The following NHLRC2 variants were observed in gnomAD, a reference collection of about 807,000 sequenced individuals.
The protein encoded by NHLRC2 is NHL repeat containing 2.
In NHLRC2, 33 loss-of-function variants were observed where a neutral mutation model predicts 68.1. The ratio of observed to expected loss-of-function variants is 0.48; its 90% CI spans 0.37 to 0.65. The LOEUF (loss-of-function observed/expected upper bound fraction) is 0.65, where lower values mean the gene tolerates loss of function less well. Among genes scored for constraint, NHLRC2 ranks in the 30% least tolerant of loss-of-function variants. The probability of loss-of-function intolerance (pLI) is 0.00; values close to 1 mark genes in which losing one functional copy is unlikely to be tolerated. For synonymous variants in NHLRC2, 311 were observed against 309.6 expected, an observed-to-expected ratio of 1.00 and a Z score of -0.05; for missense variants, 761 against 853.8, an observed-to-expected ratio of 0.89 and a Z score of 1.35.
At chr10:113,872,222 G>GA (rs1284535014) in intron 2 of NHLRC2, among the ~76,000 whole-genome samples, 1 of 151,790 alleles carries the variant, frequency 6.6e-6, no homozygotes, top group African/African-American at 2.4e-5. Context: ...CCACTGAAGG[G>GA]AAAAAAGCGT....
At chr10:113,887,992 G>A (rs928594174) in intron 5 of NHLRC2, among the ~76,000 whole-genome samples, 2 of 152,180 alleles carry the variant, frequency 1.3e-5, no homozygotes, top group Non-Finnish European at 2.9e-5. Context: ...CACTTTGGGA[G>A]GCTAAGGTGA....
In NHLRC2 at chr10:113,912,779, A is replaced by G. The variant is rs1305993839; in HGVS notation, c.*4243A>G. The G allele has an allele frequency of 1.3e-5, 2 of 152,124 alleles. No homozygotes were observed. The highest frequency in any genetic ancestry group is 2.9e-5 in the Non-Finnish European group (2 of 68,030). The allele number at this position is 152,124 out of a possible 1,614,324, so 9.4% of individuals were successfully genotyped here. On this transcript the variant is annotated 3_prime_UTR_variant, in exon 11 of 11. Coordinates refer to ENST00000369301, the MANE Select transcript of NHLRC2 (RefSeq NM_198514.4). Reference sequence around the variant, plus strand: ...TGGTGACGTATCTGAAGAATAGAAAACCGGAATAGTGCTCGATGCCTGAAG... The same window carrying G: ...TGGTGACGTATCTGAAGAATAGAAAGCCGGAATAGTGCTCGATGCCTGAAG...
At chr10:113,900,039 A>AG (rs11375788) in intron 6 of NHLRC2, among the ~76,000 whole-genome samples, 116,094 of 152,062 alleles carry the variant, frequency 0.76, 44,465 homozygotes, top group Admixed American at 0.84. Context: ...TGATAAGAGT[A>AG]TAGGAGTTAG....
chr10:113,898,562 A>C (rs531630004), intron 6 of NHLRC2, among the ~76,000 whole-genome samples: 1 of 152,342 alleles, frequency 6.6e-6, no homozygotes, highest in African/African-American at 2.4e-5. Context: ...TTTATCAGCC[A>C]GAGTAAGTCT....
chr10:113,888,159 T>C (rs1446949065), intron 5 of NHLRC2, among the ~76,000 whole-genome samples: 1 of 152,042 alleles, frequency 6.6e-6, no homozygotes, highest in Non-Finnish European at 1.5e-5. Flanking sequence ...AGGCTAGGAA[T>C]AAGGGAAGGT....
rs1317952204 is a variant in NHLRC2 at position 113,915,046 on chromosome 10, T to G, written c.*6510T>G. On this transcript the variant is annotated 3_prime_UTR_variant, in exon 11 of 11. Transcript: ENST00000369301. ...GCTTTTCTGATTGCATCCCACCTGT[T>G]TCTGAGTGTGTTGGTTTGGTTTAAT... 2.2e-6 allele frequency: 1 copy of G among 456,234 alleles called. No homozygotes were observed. The highest frequency in any genetic ancestry group is 2.3e-5 in the Admixed American group (1 of 42,582). 28.3% of individuals were successfully genotyped at this position (456,234 alleles called of 1,614,324 possible).
rs1396502667 is a variant in NHLRC2 at position 113,876,512 on chromosome 10, TCC to T, written c.332-8_332-7del. ...TAATAATGTTTAACATATAATTTTT[TCC>T]TTTCAGATGGTCTTCTTATTATTGG... On this transcript the variant is annotated splice_region_variant and splice_polypyrimidine_tract_variant and intron_variant, in intron 2 of 10. Transcript: ENST00000369301. 4 of 1,499,480 alleles carry T rather than the reference TCC, an allele frequency of 2.7e-6. No homozygotes were observed. The highest frequency in any genetic ancestry group is 1.8e-4 in the Middle Eastern group (1 of 5,672). 92.9% of individuals were successfully genotyped at this position (1,499,480 alleles called of 1,614,324 possible). A position where few individuals can be genotyped will look rare whatever the true frequency, so the allele number is the denominator to read the frequency against.
chr10:113,916,462 C>A lies in NHLRC2; in HGVS notation c.*7926C>A, dbSNP rs1846387322. On this transcript the variant is annotated 3_prime_UTR_variant, in exon 11 of 11. Coordinates refer to ENST00000369301, the MANE Select transcript of NHLRC2 (RefSeq NM_198514.4). ...TAGCTCAGTTTTTAAAGGAGGGGAA[C>A]AATACCCCATGAGTTCAAATTAATT... 6.6e-6 allele frequency: 1 copy of A among 152,136 alleles called. No individual in the cohort carries two copies. 9.4% of individuals were successfully genotyped at this position (152,136 alleles called of 1,614,324 possible). A position where few individuals can be genotyped will look rare whatever the true frequency, so the allele number is the denominator to read the frequency against.
At chr10:113,875,529 C>T (rs1845971394) in intron 2 of NHLRC2, among the ~76,000 whole-genome samples, 1 of 152,144 alleles carries the variant, frequency 6.6e-6, no homozygotes, top group East Asian at 1.9e-4. Context: ...GGAACCCACT[C>T]TCAGGACAAA....
intron 3 of NHLRC2, 120 bp downstream of exon 3, chr10:113,877,096 A>C (rs1392422593): frequency 8.7e-6 from 5 of 576,998 alleles, no homozygotes; most frequent in Non-Finnish European, 1.4e-5. Context: ...ATATACATTG[A>C]CTTAATTTCC....
At chr10:113,899,577 G>A (rs2134733958) in intron 6 of NHLRC2, among the ~76,000 whole-genome samples, 1 of 152,304 alleles carries the variant, frequency 6.6e-6, no homozygotes, top group Middle Eastern at 3.4e-3. Context: ...GGAAGAATCA[G>A]ATCAGCAAAC....
At chr10:113,895,006 C>CA (rs763008888) in intron 5 of NHLRC2, among the ~76,000 whole-genome samples, 2 of 152,036 alleles carry the variant, frequency 1.3e-5, no homozygotes, top group Admixed American at 6.5e-5. Flanking sequence ...ATAGTGTAGT[C>CA]ATTATGTAAG....
In NHLRC2 at chr10:113,901,873, C is replaced by G; in HGVS notation, c.1347C>G (p.Leu449=). 3.1e-6 allele frequency: 5 copies of G among 1,613,140 alleles called. No individual in the cohort carries two copies. Among genetic ancestry groups the G allele is most frequent in the East Asian group, 2.2e-5 (1 of 44,870 alleles). Residue 449 remains leucine (L), a synonymous_variant, in exon 7 of 11, where the codon CTC becomes CTG. Transcript: ENST00000369301. ...TGAAAGATGGAGCAGTGAAGCACCT[C>G]GTAGGAGGAGAAAGAGACCCCATGG... ...VSLKDGAVKH[L]VGGERDPMNL...
At chr10:113,862,400 CAAAA>C (rs536515196) in intron 2 of NHLRC2, among the ~76,000 whole-genome samples, 1 of 93,928 alleles carries the variant, frequency 1.1e-5, no homozygotes, top group Non-Finnish European at 2.3e-5. Context: ...CTGGTTACCA[CAAAA>C]AAAAAGAAAG....
Position 113,914,914 on chromosome 10 carries a change from C to T in NHLRC2, c.*6378C>T, listed in dbSNP as rs1250472914. 4.5e-6 allele frequency: 2 copies of T among 446,258 alleles called. No individual in the cohort carries two copies. Among genetic ancestry groups the T allele is most frequent in the Admixed American group, 2.5e-5 (1 of 40,600 alleles). The allele number at this position is 446,258 out of a possible 1,614,324, so 27.6% of individuals were successfully genotyped here. ...GTATTCCATGGCTAACAAACCCTGG[C>T]CCCTTTACATATGAGCTCTGGAGGT... On this transcript the variant is annotated 3_prime_UTR_variant, in exon 11 of 11. Transcript: ENST00000369301.
At position 113,902,531 on chromosome 10, in the gene NHLRC2, C is replaced by T; in HGVS notation, c.1432C>T (p.Leu478Phe). 6.2e-7 allele frequency: 1 copy of T among 1,607,084 alleles called. No individual in the cohort carries two copies. The highest frequency in any genetic ancestry group is 1.1e-5 in the South Asian group (1 of 90,348). ...AATCAATGCAAAGCTTCAACACCCCCTTGGAGTAACATGGGACAAAAAAAG... is the reference window on the plus strand; with the variant it reads ...AATCAATGCAAAGCTTCAACACCCCTTTGGAGTAACATGGGACAAAAAAAG... ...VGINAKLQHP[L>F]GVTWDKKRNL... Residue 478 changes from leucine to phenylalanine, a missense_variant, in exon 8 of 11, where the codon CTT becomes TTT. Physicochemically the swap from Leu to Phe is conservative, Grantham distance 22. Coordinates refer to ENST00000369301, the MANE Select transcript of NHLRC2 (RefSeq NM_198514.4).
At chr10:113,866,232 G>A (rs140930248) in intron 2 of NHLRC2, among the ~76,000 whole-genome samples, 168 of 152,256 alleles carry the variant, frequency 1.1e-3, no homozygotes, top group Middle Eastern at 6.8e-3. Context: ...CTACTTAATA[G>A]GAATGAATTG....
intron 2 of NHLRC2, among the ~76,000 whole-genome samples, chr10:113,860,863 G>C (rs934261055): frequency 1.9e-4 from 29 of 152,174 alleles, no homozygotes; most frequent in African/African-American, 7.0e-4. Context: ...AGTTGAGAAA[G>C]TATGTTTAAT....
chr10:113,865,992 T>G (rs528082749), intron 2 of NHLRC2, among the ~76,000 whole-genome samples: 1 of 152,348 alleles, frequency 6.6e-6, no homozygotes, highest in African/African-American at 2.4e-5. Context: ...TGGCAGTATA[T>G]TTAAAATTCC....
Sources: gnomAD v4.1 joint callset for allele counts (sites outside exome capture counted in the v4.1 genomes callset) on GRCh38, gnomAD v4.1.1 for gene constraint, MANE v1.5 for transcripts, NCBI Gene and HGNC (gene_info 2026-07-23, HGNC 2026-07-21) for gene names.